Variants in CPSF3 observed in about 807,000 individuals in gnomAD.
CPSF3 encodes cleavage and polyadenylation specific factor 3.
In CPSF3, 57 loss-of-function variants were observed where a neutral mutation model predicts 84.1. That is an observed-to-expected ratio of 0.68 (90% CI 0.55 to 0.85). The LOEUF (loss-of-function observed/expected upper bound fraction) is 0.85, where lower values mean the gene tolerates loss of function less well. CPSF3 is among the 40% of genes least tolerant of loss of function. The pLI, the probability that CPSF3 is intolerant of heterozygous loss-of-function variation, is 0.00. For synonymous variants in CPSF3, 275 were observed against 278.1 expected (o/e 0.99, Z 0.11); for missense variants, 522 against 838.8 (o/e 0.62, Z 4.66).
At chr2:9,449,296 G>C (rs1187463372) in intron 11 of CPSF3, among the ~76,000 whole-genome samples, 1 of 151,996 alleles carries the variant, frequency 6.6e-6, no homozygotes, top group Non-Finnish European at 1.5e-5. Context: ...AGGTTGAGGC[G>C]GGAGAATCCC....
intron 4 of CPSF3, among the ~76,000 whole-genome samples, chr2:9,432,219 T>C (rs923488168): frequency 1.3e-5 from 2 of 152,216 alleles, no homozygotes; most frequent in African/African-American, 2.4e-5. Flanking sequence ...AGTACTATCC[T>C]AAAGAGTATT....
chr2:9,467,716 A>G lies in CPSF3; in HGVS notation c.1796A>G (p.Gln599Arg). Residue 599 changes from glutamine to arginine, a missense_variant, in exon 16 of 18, where the codon CAG (glutamine) becomes CGG (arginine). Physicochemically the swap from Gln to Arg is conservative, Grantham distance 43. Coordinates refer to ENST00000238112, the MANE Select transcript of CPSF3 (RefSeq NM_016207.4). ...CTTTTTTTTTTCCCAGGTGCAGTAC[A>G]GAAGGTTTCTAAAAAATTAGAAATG... ...SNPKIRKGAV[Q>R]KVSKKLEMHV... 1 of 1,612,808 alleles carries G rather than the reference A, an allele frequency of 6.2e-7. No homozygotes were observed. The highest frequency in any genetic ancestry group is 8.5e-7 in the Non-Finnish European group (1 of 1,179,008).
At chr2:9,425,082 G>A (rs1680330049) in intron 1 of CPSF3, 1 of 152,232 alleles carries the variant, frequency 6.6e-6, no homozygotes, top group Non-Finnish European at 1.5e-5. Flanking sequence ...CGTGGATCCT[G>A]AAAAATGTGA....
intron 9 of CPSF3, among the ~76,000 whole-genome samples, chr2:9,442,999 C>T (rs1681006688): frequency 6.6e-6 from 1 of 152,054 alleles, no homozygotes; most frequent in East Asian, 1.9e-4. Flanking sequence ...CCCATCTCTA[C>T]AAAAAATACA....
chr2:9,451,914 C>A (rs1681345960), intron 11 of CPSF3, among the ~76,000 whole-genome samples: 1 of 151,938 alleles, frequency 6.6e-6, no homozygotes. Flanking sequence ...GACGGGGTTT[C>A]ATTATATTGG....
chr2:9,428,351 G>A (rs1469309366), intron 1 of CPSF3, among the ~76,000 whole-genome samples: 1 of 152,176 alleles, frequency 6.6e-6, no homozygotes, highest in African/African-American at 2.4e-5. Flanking sequence ...GAAGATGACA[G>A]TGTTGAAATG....
intron 7 of CPSF3, among the ~76,000 whole-genome samples, chr2:9,438,697 C>G (rs1680868095): frequency 1.3e-5 from 2 of 151,736 alleles, no homozygotes; most frequent in Non-Finnish European, 2.9e-5. Context: ...GGTTTCACCA[C>G]ATTGGCCAGG....
intron 10 of CPSF3, among the ~76,000 whole-genome samples, chr2:9,444,917 C>T (rs866889744): frequency 4.2e-4 from 64 of 152,084 alleles, no homozygotes; most frequent in African/African-American, 1.3e-3. Flanking sequence ...CTGCCCGCCT[C>T]GGCCTCCCAA....
At chr2:9,454,048 C>T (rs868451408) in intron 12 of CPSF3, among the ~76,000 whole-genome samples, 1 of 152,066 alleles carries the variant, frequency 6.6e-6, no homozygotes, top group Non-Finnish European at 1.5e-5. Context: ...GTATTATTTT[C>T]GAGTAAATAC....
intron 2 of CPSF3, 88 bp downstream of exon 2, chr2:9,428,916 G>T: frequency 1.3e-6 from 1 of 781,486 alleles, no homozygotes; most frequent in Non-Finnish European, 2.2e-6. Flanking sequence ...TATCTTTTTA[G>T]CTCCCAGAAA....
intron 1 of CPSF3, among the ~76,000 whole-genome samples, chr2:9,427,221 G>C (rs1422380706): frequency 6.6e-6 from 1 of 152,234 alleles, no homozygotes; most frequent in Non-Finnish European, 1.5e-5. Flanking sequence ...TTTCATTGTG[G>C]AAAGAGAGGT....
At chr2:9,437,711 C>T (rs556804295) in intron 7 of CPSF3, among the ~76,000 whole-genome samples, 6 of 152,314 alleles carry the variant, frequency 3.9e-5, no homozygotes, top group Admixed American at 3.9e-4. Context: ...AGGTACTTTA[C>T]AGCCAGGCAT....
intron 7 of CPSF3, among the ~76,000 whole-genome samples, chr2:9,438,726 ATTC>A (rs1383502610): frequency 6.6e-6 from 1 of 151,976 alleles, no homozygotes; most frequent in African/African-American, 2.4e-5. Context: ...GTTAGTATAT[ATTC>A]TTATACTAAA....
chr2:9,423,663 G>C lies in CPSF3; in HGVS notation c.-111G>C. On this transcript the variant is annotated 5_prime_UTR_variant, in exon 1 of 18. Coordinates refer to ENST00000238112, the MANE Select transcript of CPSF3 (RefSeq NM_016207.4). ...CGGGCTCCGGAGTGACGGAAGTTGT[G>C]CTCTTGGTGAATGGGGTTCTTCCTT... 1 of 1,393,138 alleles carries C rather than the reference G, an allele frequency of 7.2e-7. No individual in the cohort carries two copies. Among genetic ancestry groups the C allele is most frequent in the Non-Finnish European group, 9.8e-7 (1 of 1,025,268 alleles). 86.3% of individuals were successfully genotyped at this position (1,393,138 alleles called of 1,614,324 possible).
chr2:9,448,544 A>G (rs1307006949), intron 11 of CPSF3, among the ~76,000 whole-genome samples, 194 bp downstream of exon 11: 1 of 151,488 alleles, frequency 6.6e-6, no homozygotes, highest in Admixed American at 6.6e-5. Context: ...GAAAATGTTC[A>G]GCTAGATTAG....
chr2:9,450,117 C>T (rs1223990717), intron 11 of CPSF3, among the ~76,000 whole-genome samples: 1 of 150,920 alleles, frequency 6.6e-6, no homozygotes, highest in Non-Finnish European at 1.5e-5. Context: ...CCCCTCTCAG[C>T]CTCCCAAGTA....
intron 1 of CPSF3, among the ~76,000 whole-genome samples, chr2:9,425,502 T>C (rs1680356695): frequency 6.6e-6 from 1 of 152,152 alleles, no homozygotes; most frequent in South Asian, 2.1e-4. Context: ...CGAGAGCCTG[T>C]AGTGAGTGAT....
At chr2:9,443,803 A>G in intron 10 of CPSF3, 142 bp downstream of exon 10, 1 of 847,242 alleles carries the variant, frequency 1.2e-6, no homozygotes, top group Non-Finnish European at 1.8e-6. Flanking sequence ...ATGCACTCGG[A>G]TTTGGCCTTT....
Position 9,455,424 on chromosome 2 carries a change from G to A in CPSF3, c.1505-235G>A, listed in dbSNP as rs1289550039. ...GCTGGGATTACAGGCATGAGCCACC[G>A]CGCCTGGCCATAAGGTGCTTTCTTA... On this transcript the variant is annotated intron_variant, in intron 12 of 17. Coordinates refer to ENST00000238112, the MANE Select transcript of CPSF3 (RefSeq NM_016207.4). Among the ~76,000 whole-genome samples, 6 of 152,122 alleles carry A rather than the reference G, an allele frequency of 3.9e-5. No homozygotes were observed. In the East Asian group the frequency reaches 9.6e-4, roughly 24 times the overall value.
Sources: gnomAD v4.1 joint callset for allele counts (sites outside exome capture counted in the v4.1 genomes callset) on GRCh38, gnomAD v4.1.1 for gene constraint, MANE v1.5 for transcripts, NCBI Gene and HGNC (gene_info 2026-07-23, HGNC 2026-07-21) for gene names.